The following PAK2 variants were observed in gnomAD, a reference collection of about 807,000 sequenced individuals.
PAK2 encodes serine/threonine-protein kinase PAK 2.
A neutral mutation model predicts 65.9 loss-of-function variants in PAK2; 21 were observed. That is an observed-to-expected ratio of 0.32 (90% CI 0.23 to 0.46). The LOEUF is 0.46. Among genes scored for constraint, PAK2 ranks in the 20% least tolerant of loss-of-function variants. PAK2 has a pLI of 1.00. For missense variants in PAK2, 324 were observed against 642.6 expected (o/e 0.50, Z 5.36); for synonymous variants, 204 against 219.7 (o/e 0.93, Z 0.63).
chr3:196,824,805 A>G (rs1364803590), intron 13 of PAK2, among the ~76,000 whole-genome samples: 1 of 151,944 alleles, frequency 6.6e-6, no homozygotes, highest in East Asian at 1.9e-4. Context: ...ACATATCGAG[A>G]ATGCATTAAA....
At chr3:196,812,574 AT>A (rs1715863898) in intron 9 of PAK2, among the ~76,000 whole-genome samples, 164 bp from the exon 10 acceptor site, 1 of 152,176 alleles carries the variant, frequency 6.6e-6, no homozygotes, top group African/African-American at 2.4e-5. Context: ...GGTTCTAAAC[AT>A]TACAAAGCAT....
chr3:196,806,699 C>A lies in PAK2; in HGVS notation c.576+13C>A. 2 of 1,447,436 alleles carry A rather than the reference C, an allele frequency of 1.4e-6. No individual in the cohort carries two copies. The highest frequency in any genetic ancestry group is 1.7e-5 in the Admixed American group (1 of 59,772). 89.7% of individuals were successfully genotyped at this position (1,447,436 alleles called of 1,614,324 possible). A position where few individuals can be genotyped will look rare whatever the true frequency, so the allele number is the denominator to read the frequency against. On this transcript the variant is annotated intron_variant, in intron 6 of 14. Transcript: ENST00000327134. ...TCATACGAAATCAGTGAGTCTCCAT[C>A]GGTGATCTAGGCTGTGTGTGTGCAC...
intron 1 of PAK2, among the ~76,000 whole-genome samples, chr3:196,780,329 A>ATT (rs1714666241): frequency 6.6e-6 from 1 of 152,220 alleles, no homozygotes; most frequent in Non-Finnish European, 1.5e-5. Flanking sequence ...TTACAGAAGA[A>ATT]AGAGGTTTAA....
At position 196,806,591 on chromosome 3, in the gene PAK2, G is replaced by A. The variant is rs777314556; in HGVS notation, c.481G>A (p.Gly161Arg). 1 of 1,609,300 alleles carries A rather than the reference G, an allele frequency of 6.2e-7. No homozygotes were observed. The highest frequency in any genetic ancestry group is 8.5e-7 in the Non-Finnish European group (1 of 1,175,736). ...PSGTPALNAKGTEAPAVVTEE... is the reference protein window; with the variant it reads ...PSGTPALNAKRTEAPAVVTEE... ...ATCATCAATGCAGCTGAATGCCAAG[G>A]GAACAGAAGCACCCGCAGTAGTGAC... Residue 161 changes from glycine (G) to arginine (R), a missense_variant, in exon 6 of 15, where the codon GGA (glycine) becomes AGA (arginine). This residue lies in a region of PAK2 where 183 missense variants were observed against 246.2 expected (regional missense o/e 0.74). Transcript: ENST00000327134.
chr3:196,764,592 C>G (rs1047887934), intron 1 of PAK2, among the ~76,000 whole-genome samples: 19 of 149,756 alleles, frequency 1.3e-4, no homozygotes, highest in Non-Finnish European at 2.2e-4. Flanking sequence ...GCACTCCAGC[C>G]TGGGTGACAG....
At chr3:196,779,187 C>T (rs1033066602) in intron 1 of PAK2, among the ~76,000 whole-genome samples, 1 of 152,126 alleles carries the variant, frequency 6.6e-6, no homozygotes, top group African/African-American at 2.4e-5. Flanking sequence ...TCCTTTTCTC[C>T]CATTTATTTA....
Position 196,820,176 on chromosome 3 carries a change from C to G in PAK2, c.1154-195C>G, listed in dbSNP as rs551108586. On this transcript the variant is annotated intron_variant, in intron 12 of 14. Coordinates refer to ENST00000327134, the MANE Select transcript of PAK2 (RefSeq NM_002577.4). This position sits in a 1 kb window ranked among gnomAD's most constrained non-coding sequence, Gnocchi z 4.6. ...CCTCCTGATAATTTGGACTCTGTGG[C>G]AAGTAAAAGTAAAATGTGAGAGTGT... Among the ~76,000 whole-genome samples the G allele has an allele frequency of 2.1e-4, 32 of 152,076 alleles. 1 individual carries two copies. Among genetic ancestry groups the G allele is most frequent in the Middle Eastern group, 3.4e-3 (1 of 294 alleles).
chr3:196,743,519 T>A (rs145714722), intron 1 of PAK2, among the ~76,000 whole-genome samples: 14 of 152,306 alleles, frequency 9.2e-5, no homozygotes, highest in African/African-American at 3.4e-4. Context: ...TGTTCTTACA[T>A]GCTGTAGAGT....
At chr3:196,794,822 T>A (rs1715196513) in intron 2 of PAK2, among the ~76,000 whole-genome samples, 1 of 152,062 alleles carries the variant, frequency 6.6e-6, no homozygotes. Context: ...TACCAGAATA[T>A]CCCCTTGGGG....
At position 196,806,645 on chromosome 3, in the gene PAK2, G is replaced by A; in HGVS notation, c.535G>A (p.Ala179Thr). Residue 179 changes from alanine (A) to threonine (T), a missense_variant, in exon 6 of 15, where the codon GCT becomes ACT. Around this residue, in one of 5 missense-constraint regions of PAK2, gnomAD observed 183 missense variants for 246.2 expected, o/e 0.74. Transcript: ENST00000327134. The stretch of plus-strand genomic sequence containing the variant: ...GGAGGAGGATGATGATGAAGAGACT[G>A]CTCCTCCCGTTATTGCCCCGCGACC... The part of the protein sequence containing the change: ...TEEEDDDEET[A>T]PPVIAPRPDH... 6.2e-7 allele frequency: 1 copy of A among 1,612,848 alleles called. No individual in the cohort carries two copies. The highest frequency in any genetic ancestry group is 1.1e-5 in the South Asian group (1 of 91,058).
At chr3:196,799,706 G>C (rs1715360581) in intron 2 of PAK2, among the ~76,000 whole-genome samples, 1 of 152,134 alleles carries the variant, frequency 6.6e-6, no homozygotes, top group South Asian at 2.1e-4. Flanking sequence ...AGGCTGGGGA[G>C]TGCAGTGACA....
intron 12 of PAK2, among the ~76,000 whole-genome samples, chr3:196,819,112 C>A (rs1711569982): frequency 6.6e-6 from 1 of 152,102 alleles, no homozygotes; most frequent in African/African-American, 2.4e-5. Context: ...GGAATAATTA[C>A]ATGGATTATT....
intron 1 of PAK2, among the ~76,000 whole-genome samples, chr3:196,759,683 C>T (rs1356216007): frequency 8.6e-5 from 13 of 151,722 alleles, no homozygotes; most frequent in African/African-American, 2.4e-4. Flanking sequence ...CGCACCACCA[C>T]GCCCAGCTAA....
At chr3:196,771,758 AT>A (rs1714367168) in intron 1 of PAK2, among the ~76,000 whole-genome samples, 2 of 151,982 alleles carry the variant, frequency 1.3e-5, no homozygotes, top group Admixed American at 1.3e-4. Flanking sequence ...GGGTTTCTCC[AT>A]GTTGGTCAGG....
At chr3:196,762,433 G>A (rs1405427085) in intron 1 of PAK2, among the ~76,000 whole-genome samples, 3 of 146,882 alleles carry the variant, frequency 2.0e-5, no homozygotes, top group South Asian at 2.2e-4. Context: ...ACGAGACTCC[G>A]TCTGCAATCC....
At chr3:196,815,429 T>C (rs75432830) in intron 11 of PAK2, among the ~76,000 whole-genome samples, 2,765 of 150,208 alleles carry the variant, frequency 0.018, 88 homozygotes, top group African/African-American at 0.064. Flanking sequence ...GAGGCAGACA[T>C]TGCAGTGAGC....
intron 2 of PAK2, among the ~76,000 whole-genome samples, chr3:196,786,624 A>G (rs898151073): frequency 6.6e-6 from 1 of 152,058 alleles, no homozygotes; most frequent in Non-Finnish European, 1.5e-5. Flanking sequence ...GAAAAGATTC[A>G]CTTTCACTTT....
chr3:196,822,280 C>T (rs1453795243), intron 13 of PAK2, among the ~76,000 whole-genome samples: 2 of 152,184 alleles, frequency 1.3e-5, no homozygotes, highest in African/African-American at 4.8e-5. Flanking sequence ...CAGAACTTGT[C>T]TTCTAGTGGG....
At chr3:196,746,746 G>A (rs1354098911) in intron 1 of PAK2, among the ~76,000 whole-genome samples, 6 of 151,260 alleles carry the variant, frequency 4.0e-5, no homozygotes, top group Admixed American at 1.3e-4. Flanking sequence ...GGAGGCGGAG[G>A]TTGCAGTGAG....
Sources: allele counts gnomAD v4.1 joint callset (sites outside exome capture counted in the v4.1 genomes callset), GRCh38; gene constraint gnomAD v4.1.1; regional missense constraint gnomAD v4.1.1; non-coding constraint Gnocchi (gnomAD v3.1); transcripts MANE v1.5; gene names NCBI Gene and HGNC (gene_info 2026-07-23, HGNC 2026-07-21).